UBN1: variants seen among roughly 807,000 people sequenced by gnomAD.
UBN1 encodes the protein ubinuclein-1.
UBN1 carries 17 observed loss-of-function variants against 108.5 expected under a neutral mutation model. The ratio of observed to expected loss-of-function variants is 0.16; its 90% CI spans 0.11 to 0.24. The LOEUF (loss-of-function observed/expected upper bound fraction) is 0.24. Among genes scored for constraint, UBN1 ranks in the 10% least tolerant of loss-of-function variants. UBN1 has a pLI of 1.00. For missense variants in UBN1, 1,595 were observed against 1,394.4 expected, an observed-to-expected ratio of 1.14 and a Z score of -2.29; for synonymous variants, 726 against 564.2, an observed-to-expected ratio of 1.29 and a Z score of -4.07.
Position 4,867,570 on chromosome 16 carries a change from G to A in UBN1, c.1111-1263G>A, listed in dbSNP as rs2087397014. Among the ~76,000 whole-genome samples, 5 of 152,286 alleles carry A rather than the reference G, an allele frequency of 3.3e-5. No individual in the cohort carries two copies. The South Asian group carries it at 1.0e-3, about 32-fold the overall frequency. Reference sequence around the variant, plus strand: ...TCCAGAGCTTAGATGAGAGGATTTAGGGCTTAGTTTAGATTTGAGTGTACA... The same window carrying A: ...TCCAGAGCTTAGATGAGAGGATTTAAGGCTTAGTTTAGATTTGAGTGTACA... On this transcript the variant is annotated intron_variant, in intron 7 of 17. Transcript: ENST00000262376.
chr16:4,870,220 C>G lies in UBN1; in HGVS notation c.1190C>G (p.Ala397Gly). The part of the protein sequence containing the change: ...DINGILLDIE[A>G]QTRELSSQVR... ...TGTGTTTTGTTCTTCAGCATAGAGG[C>G]GCAGACTCGGGAGCTGAGCAGTCAG... The change falls in exon 9 of 18, where the codon GCG becomes GGG. Residue 397 changes from alanine (A) to glycine (G), a missense_variant. By Grantham distance (60) the Ala-to-Gly change is moderately conservative. Around this residue, in one of 3 missense-constraint regions of UBN1, gnomAD observed 1,398 missense variants for 1,194.7 expected, o/e 1.17. Coordinates refer to ENST00000262376, the MANE Select transcript of UBN1 (RefSeq NM_001079514.3). 1.2e-6 allele frequency: 2 copies of G among 1,614,238 alleles called. No individual in the cohort carries two copies. Among genetic ancestry groups the G allele is most frequent in the Non-Finnish European group, 1.7e-6 (2 of 1,180,040 alleles).
rs745834284 is a variant in UBN1, at chr16:4,858,682, T to G, written c.432+19T>G. On this transcript the variant is annotated intron_variant, in intron 4 of 17. Coordinates refer to ENST00000262376, the MANE Select transcript of UBN1 (RefSeq NM_001079514.3). ...TGAGGCGGTAAGTAGTTACTGAAAA[T>G]GCCGTGTCAGACCCACTGTACCTGT... 3.7e-6 allele frequency: 6 copies of G among 1,612,630 alleles called. No homozygotes were observed. The highest frequency in any genetic ancestry group is 5.1e-6 in the Non-Finnish European group (6 of 1,178,700).
At chr16:4,868,757 T>A in intron 7 of UBN1, 76 bp from the exon 8 acceptor site, 1 of 1,452,846 alleles carries the variant, frequency 6.9e-7, no homozygotes, top group Non-Finnish European at 9.6e-7. Flanking sequence ...GAGCGATGAC[T>A]CCTGTGCCTG....
At chr16:4,869,895 T>C (rs1452743016) in intron 8 of UBN1, among the ~76,000 whole-genome samples, 1 of 152,166 alleles carries the variant, frequency 6.6e-6, no homozygotes, top group Non-Finnish European at 1.5e-5. Flanking sequence ...ACTCATGACT[T>C]TCCACTTTGA....
At position 4,877,770 on chromosome 16, in the gene UBN1, C is replaced by T. The variant is rs973181229; in HGVS notation, c.3355+296C>T. ...TTGTGTGCGGTGGAGGAGTTCCTAA[C>T]CCTCGGCTTGTTTTTTTCTCTTCAG... On this transcript the variant is annotated intron_variant, in intron 17 of 17. Coordinates refer to ENST00000262376, the MANE Select transcript of UBN1 (RefSeq NM_001079514.3). This position sits in a 1 kb window ranked among gnomAD's most constrained non-coding sequence, Gnocchi z 4.3. The T allele has an allele frequency of 5.2e-6, 6 of 1,147,138 alleles. No individual in the cohort carries two copies. The highest frequency in any genetic ancestry group is 6.4e-6 in the Non-Finnish European group (6 of 935,238). 71.1% of individuals were successfully genotyped at this position (1,147,138 alleles called of 1,614,324 possible).
At chr16:4,873,157 G>A in intron 14 of UBN1, 84 bp downstream of exon 14, 1 of 1,575,592 alleles carries the variant, frequency 6.3e-7, no homozygotes, top group Non-Finnish European at 8.7e-7. Flanking sequence ...GACTGTGGAA[G>A]CTCATTGATC....
rs2087912136 is a variant in UBN1 at position 4,876,902 on chromosome 16, GCTCCTCTTTGAT to G, written c.3057_3068del (p.Ser1020_Met1023del). The G allele has an allele frequency of 6.2e-7, 1 of 1,612,484 alleles. No individual in the cohort carries two copies. The highest frequency in any genetic ancestry group is 1.1e-5 in the South Asian group (1 of 90,870). On this transcript the variant is annotated inframe_deletion, in exon 16 of 18. Coordinates refer to ENST00000262376, the MANE Select transcript of UBN1 (RefSeq NM_001079514.3). ...GCGAGTGGGACTGTGCTGCTGGCCG[GCTCCTCTTTGAT>G]GGCTTCACCCTACAAATCCAGCAGC...
At position 4,869,893 on chromosome 16, in the gene UBN1, C is replaced by A. The variant is rs76967100; in HGVS notation, c.1182-319C>A. Among the ~76,000 whole-genome samples the A allele has an allele frequency of 7.6e-3, 1,151 of 152,274 alleles. 5 individuals are homozygous for A. Among genetic ancestry groups the A allele is most frequent in the Non-Finnish European group, 0.013 (878 of 68,030 alleles). On this transcript the variant is annotated intron_variant, in intron 8 of 17. Transcript: ENST00000262376. ...CCTTTGAACCCCAAGTAACTCATGA[C>A]TTTCCACTTTGAAAGCTTTCATGTT...
chr16:4,870,790 G>C (rs893775527), intron 10 of UBN1, 54 bp from the exon 11 acceptor site: 31 of 1,608,284 alleles, frequency 1.9e-5, no homozygotes, highest in Admixed American at 5.0e-5. Context: ...AGTGAGGGGA[G>C]AGGCGGTGGG....
rs756628478 is a variant in UBN1, at chr16:4,874,805, G to A, written c.2395G>A (p.Val799Met). The change falls in exon 15 of 18, where the codon GTG becomes ATG. Residue 799 changes from valine (V) to methionine (M), a missense_variant. Coordinates refer to ENST00000262376, the MANE Select transcript of UBN1 (RefSeq NM_001079514.3). Reference sequence around the variant, plus strand: ...TCACGGGCCCCAAGTGGCAGTTCCTGTGCCTGGCCCCCAGGTCAAAGTCTT... The same window carrying A: ...TCACGGGCCCCAAGTGGCAGTTCCTATGCCTGGCCCCCAGGTCAAAGTCTT... Reference protein sequence around the residue: ...TSHGPQVAVPVPGPQVKVFHA... With the variant: ...TSHGPQVAVPMPGPQVKVFHA... 3 of 1,614,100 alleles carry A rather than the reference G, an allele frequency of 1.9e-6. No individual in the cohort carries two copies. Among genetic ancestry groups the A allele is most frequent in the South Asian group, 1.1e-5 (1 of 91,090 alleles).
chr16:4,848,736 T>G (rs1410701154), intron 1 of UBN1, among the ~76,000 whole-genome samples: 3 of 152,222 alleles, frequency 2.0e-5, no homozygotes, highest in Non-Finnish European at 4.4e-5. Flanking sequence ...TGATAAAAAT[T>G]TAACATAAGT....
In UBN1 at chr16:4,868,888, A is replaced by G; in HGVS notation, c.1166A>G (p.Asn389Ser). 1 of 1,613,930 alleles carries G rather than the reference A, an allele frequency of 6.2e-7. No individual in the cohort carries two copies. The highest frequency in any genetic ancestry group is 8.5e-7 in the Non-Finnish European group (1 of 1,179,886). Residue 389 changes from asparagine (N) to serine (S), a missense_variant, in exon 8 of 18, where the codon AAT becomes AGT. By Grantham distance (46) the Asn-to-Ser change is conservative. Coordinates refer to ENST00000262376, the MANE Select transcript of UBN1 (RefSeq NM_001079514.3). The stretch of plus-strand genomic sequence containing the variant: ...CAGAAGTTCTTCACCCAGGATATTA[A>G]TGGAATCCTATTAGAGTGAGTATCG... Reference protein sequence around the residue: ...SRQKFFTQDINGILLDIEAQT... With the variant: ...SRQKFFTQDISGILLDIEAQT...
chr16:4,851,404 T>C (rs535723279), intron 1 of UBN1, among the ~76,000 whole-genome samples: 6 of 152,046 alleles, frequency 3.9e-5, no homozygotes, highest in African/African-American at 1.4e-4. Flanking sequence ...GAGCTGAGAT[T>C]GAGTCACTTT....
chr16:4,853,904 C>G (rs984605421), intron 2 of UBN1, among the ~76,000 whole-genome samples: 1 of 152,070 alleles, frequency 6.6e-6, no homozygotes, highest in Non-Finnish European at 1.5e-5. Context: ...CCCATGTAAC[C>G]TGCACGTAGG....
chr16:4,862,904 G>A (rs2087136190), intron 7 of UBN1, among the ~76,000 whole-genome samples: 1 of 152,238 alleles, frequency 6.6e-6, no homozygotes, highest in Non-Finnish European at 1.5e-5. Context: ...CAGGGTTCAG[G>A]ATCCCATAGT....
intron 2 of UBN1, among the ~76,000 whole-genome samples, chr16:4,855,570 C>G (rs1038451785): frequency 7.2e-6 from 1 of 139,354 alleles, no homozygotes; most frequent in Admixed American, 7.5e-5. Context: ...GAGCCGTGAT[C>G]ACACCACCGC....
chr16:4,866,416 A>C (rs1004508342), intron 7 of UBN1, among the ~76,000 whole-genome samples: 1 of 152,202 alleles, frequency 6.6e-6, no homozygotes, highest in African/African-American at 2.4e-5. Flanking sequence ...TAGTATCTTC[A>C]TTTGTTGATT....
intron 7 of UBN1, among the ~76,000 whole-genome samples, chr16:4,861,482 A>G (rs1330194333): frequency 6.6e-6 from 1 of 152,244 alleles, no homozygotes; most frequent in East Asian, 1.9e-4. Context: ...CAAATTCACA[A>G]AAGTTTGTAA....
At position 4,880,013 on chromosome 16, in the gene UBN1, G is replaced by T. The variant is rs1020589290; in HGVS notation, c.3356-70G>T. 2.6e-6 allele frequency: 4 copies of T among 1,565,288 alleles called. No homozygotes were observed. The African/African-American group carries it at 5.4e-5, about 21-fold the overall frequency. On this transcript the variant is annotated intron_variant, in intron 17 of 17. Transcript: ENST00000262376. ...ATTTAGGTGTCTCCCTTGAAGTTTG[G>T]TTACTACTGCCTTAAGGAAATCAGA...
Sources: gnomAD v4.1 joint callset for allele counts (sites outside exome capture counted in the v4.1 genomes callset) on GRCh38, gnomAD v4.1.1 for gene constraint, gnomAD v4.1.1 regional missense constraint, Gnocchi (gnomAD v3.1) non-coding constraint, MANE v1.5 for transcripts, NCBI Gene and HGNC (gene_info 2026-07-23, HGNC 2026-07-21) for gene names.